Variants in CSMD1 observed in about 807,000 individuals in gnomAD.
CSMD1 encodes CUB and sushi domain-containing protein 1.
Under a neutral mutation model 417.5 loss-of-function variants are expected in CSMD1, and 213 were observed. That is an observed-to-expected ratio of 0.51 (90% CI 0.46 to 0.57). The LOEUF (loss-of-function observed/expected upper bound fraction) is 0.57, where lower values mean the gene tolerates loss of function less well. CSMD1 is among the 20% of genes least tolerant of loss of function. CSMD1 has a pLI of 0.00. For synonymous variants in CSMD1, 2,862 were observed against 1,736.8 expected, an observed-to-expected ratio of 1.65 and a Z score of -16.11; for missense variants, 6,923 against 4,529.7, an observed-to-expected ratio of 1.53 and a Z score of -15.17.
intron 3 of CSMD1, among the ~76,000 whole-genome samples, chr8:4,122,535 T>C (rs1167767487): frequency 1.3e-5 from 2 of 152,136 alleles, no homozygotes; most frequent in African/African-American, 4.8e-5. Context: ...GCATTTTAAA[T>C]ACCTGCCAGT....
chr8:4,847,642 T>A (rs1415389559), intron 1 of CSMD1, among the ~76,000 whole-genome samples: 2 of 152,138 alleles, frequency 1.3e-5, no homozygotes, highest in East Asian at 3.9e-4. Context: ...GGACCCTGTA[T>A]AACATTTAGA....
rs111743348 is a variant in CSMD1 at position 4,614,655 on chromosome 8, G to A, written c.302+22687C>T. ...CACGTACACACACATACAAACGTGC[G>A]CACACACACAAACGCACACACACTG... is the stretch of plus-strand genomic sequence containing the variant. On this transcript the variant is annotated intron_variant, in intron 2 of 69. Coordinates refer to ENST00000635120, the MANE Select transcript of CSMD1 (RefSeq NM_033225.6). Among the ~76,000 whole-genome samples the A allele has an allele frequency of 3.4e-3, 510 of 151,890 alleles. 5 individuals carry two copies. The highest frequency in any genetic ancestry group is 0.012 in the African/African-American group (483 of 41,406).
At position 3,241,700 on chromosome 8, in the gene CSMD1, T is replaced by G. The variant is rs138111399; in HGVS notation, c.4154-11469A>C. On this transcript the variant is annotated intron_variant, in intron 26 of 69. Transcript: ENST00000635120. The stretch of plus-strand genomic sequence containing the variant: ...TTGTAGCAAGCTCCTGGGGGAGGTG[T>G]TTCTGGAGGAACGCCTGGCCGCTGC... Among the ~76,000 whole-genome samples the G allele has an allele frequency of 2.0e-3, 311 of 152,134 alleles. No individual in the cohort carries two copies. The East Asian group carries it at 0.025, about 12-fold the overall frequency.
At chr8:3,498,973 C>A (rs1251263893) in intron 10 of CSMD1, among the ~76,000 whole-genome samples, 2 of 152,064 alleles carry the variant, frequency 1.3e-5, no homozygotes, top group African/African-American at 2.4e-5. Flanking sequence ...TTTTAAAAAT[C>A]ATATAGGCAT....
At chr8:4,916,649 C>A (rs1806085229) in intron 1 of CSMD1, among the ~76,000 whole-genome samples, 1 of 152,178 alleles carries the variant, frequency 6.6e-6, no homozygotes, top group South Asian at 2.1e-4. Flanking sequence ...AATAAAAATA[C>A]TTTACACAAA....
At chr8:4,447,086 G>A (rs765142460) in intron 2 of CSMD1, among the ~76,000 whole-genome samples, 8 of 152,018 alleles carry the variant, frequency 5.3e-5, no homozygotes, top group African/African-American at 9.7e-5. Context: ...TTATGACAGC[G>A]TCTCTTTGGG....
rs533034951 is a variant in CSMD1 at position 4,028,541 on chromosome 8, G to A, written c.610+3364C>T. On this transcript the variant is annotated intron_variant, in intron 4 of 69. Coordinates refer to ENST00000635120, the MANE Select transcript of CSMD1 (RefSeq NM_033225.6). ...AATAGGCAAATATGCAATAACTAGC[G>A]AAGGATAAAATAAAAGCATACTGAA... Among the ~76,000 whole-genome samples, 35 of 152,152 alleles carry A rather than the reference G, an allele frequency of 2.3e-4. No individual in the cohort carries two copies. In the East Asian group the frequency reaches 6.2e-3, roughly 27 times the overall value.
intron 10 of CSMD1, among the ~76,000 whole-genome samples, chr8:3,531,906 T>G (rs1009962585): frequency 6.6e-5 from 10 of 152,000 alleles, no homozygotes; most frequent in Non-Finnish European, 1.5e-4. Flanking sequence ...ACATGCACAG[T>G]AAGAAAGAAA....
At chr8:3,964,252 T>C (rs1358086264) in intron 5 of CSMD1, among the ~76,000 whole-genome samples, 1 of 152,324 alleles carries the variant, frequency 6.6e-6, no homozygotes, top group Admixed American at 6.5e-5. Flanking sequence ...TTTGTGGCTA[T>C]CCCTCCTTTG....
chr8:4,051,884 CT>C (rs1798448017), intron 3 of CSMD1, among the ~76,000 whole-genome samples: 1 of 32,484 alleles, frequency 3.1e-5, no homozygotes, highest in African/African-American at 1.5e-4. Context: ...TCCTTTCTTC[CT>C]TCCTTCCTTC....
intron 50 of CSMD1, among the ~76,000 whole-genome samples, chr8:3,046,902 A>AAATGTCTAG (rs551784471): frequency 0.014 from 2,171 of 152,306 alleles, 18 homozygotes; most frequent in East Asian, 0.031. Context: ...TAGCTTAGAT[A>AAATGTCTAG]AATGTCTAGA....
At chr8:3,918,970 A>G (rs1176585964) in intron 5 of CSMD1, among the ~76,000 whole-genome samples, 3 of 152,094 alleles carry the variant, frequency 2.0e-5, no homozygotes, top group African/African-American at 7.2e-5. Flanking sequence ...CTCACAAATC[A>G]CCACTAAAAA....
At chr8:4,367,981 G>C (rs953630954) in intron 3 of CSMD1, among the ~76,000 whole-genome samples, 1 of 151,998 alleles carries the variant, frequency 6.6e-6, no homozygotes, top group Non-Finnish European at 1.5e-5. Context: ...TAGGTATAGA[G>C]TTACATTGTC....
intron 5 of CSMD1, among the ~76,000 whole-genome samples, chr8:3,970,075 G>A (rs977190867): frequency 6.6e-6 from 1 of 152,082 alleles, no homozygotes; most frequent in Non-Finnish European, 1.5e-5. Flanking sequence ...TCTATGTTAG[G>A]TGCTGCTCTA....
At chr8:4,270,127 G>C (rs1804491689) in intron 3 of CSMD1, among the ~76,000 whole-genome samples, 1 of 152,194 alleles carries the variant, frequency 6.6e-6, no homozygotes, top group Non-Finnish European at 1.5e-5. Flanking sequence ...GACTTTGGTT[G>C]TGATAGGGAG....
intron 3 of CSMD1, among the ~76,000 whole-genome samples, chr8:4,325,707 G>C (rs1238651978): frequency 6.6e-6 from 1 of 152,074 alleles, no homozygotes; most frequent in African/African-American, 2.4e-5. Flanking sequence ...ATAAAACTCA[G>C]TGATTATAGA....
intron 10 of CSMD1, among the ~76,000 whole-genome samples, chr8:3,509,042 C>A (rs1170672971): frequency 6.6e-6 from 1 of 152,198 alleles, no homozygotes; most frequent in Non-Finnish European, 1.5e-5. Flanking sequence ...TTGGGCAAGA[C>A]ACTGTATCAG....
chr8:3,075,999 C>T (rs550456841), intron 49 of CSMD1, among the ~76,000 whole-genome samples: 41 of 150,644 alleles, frequency 2.7e-4, no homozygotes, highest in Admixed American at 8.6e-4. Flanking sequence ...TGCAGTGAGC[C>T]GAGATCGCGC....
At chr8:3,750,909 CG>C (rs1797305675) in intron 6 of CSMD1, among the ~76,000 whole-genome samples, 2 of 152,132 alleles carry the variant, frequency 1.3e-5, no homozygotes, top group African/African-American at 4.8e-5. Flanking sequence ...GAAAAATAAT[CG>C]TAGTGCCTTT....
Sources: allele counts gnomAD v4.1 joint callset (sites outside exome capture counted in the v4.1 genomes callset), GRCh38; gene constraint gnomAD v4.1.1; transcripts MANE v1.5; gene names NCBI Gene and HGNC (gene_info 2026-07-23, HGNC 2026-07-21).